ZNF445: variants seen among roughly 807,000 people sequenced by gnomAD.
The protein encoded by ZNF445 is zinc finger protein 445.
In ZNF445, 19 loss-of-function variants were observed where a neutral mutation model predicts 93.9. The ratio of observed to expected loss-of-function variants is 0.20; its 90% CI spans 0.14 to 0.30. The LOEUF (loss-of-function observed/expected upper bound fraction) is 0.30, where lower values mean the gene tolerates loss of function less well. ZNF445 is among the 10% of genes least tolerant of loss of function. ZNF445 has a pLI of 1.00. For synonymous variants in ZNF445, 449 were observed against 446.3 expected (o/e 1.01, Z -0.08); for missense variants, 1,058 against 1,259.4 (o/e 0.84, Z 2.42).
In ZNF445 at chr3:44,436,922, G is replaced by A. The variant is rs1697692411; in HGVS notation, c.*9653C>T. ...TCCTGCACCCTTGTTACCGCAAAAG[G>A]TTCCCAATCCAGACCCCAAGAGAGG... On this transcript the variant is annotated 3_prime_UTR_variant, in exon 8 of 8. Transcript: ENST00000396077. The A allele has an allele frequency of 6.6e-6, 1 of 152,162 alleles. No homozygotes were observed. 9.4% of individuals were successfully genotyped at this position (152,162 alleles called of 1,614,324 possible). A position where few individuals can be genotyped will look rare whatever the true frequency, so the allele number is the denominator to read the frequency against.
At position 44,447,639 on chromosome 3, in the gene ZNF445, C is replaced by G. The variant is rs1485119661; in HGVS notation, c.2032G>C (p.Glu678Gln). ...CSQPQGAPAV[E>Q]KTFLCQQCGK... Reference sequence around the variant, plus strand: ...CACTGCTGACACAGAAATGTTTTCTCCACAGCGGGAGCACCCTGGGGCTGA... The same window carrying G: ...CACTGCTGACACAGAAATGTTTTCTGCACAGCGGGAGCACCCTGGGGCTGA... The change falls in exon 8 of 8, where the codon GAG (glutamate) becomes CAG (glutamine). Residue 678 changes from glutamate (E) to glutamine (Q), a missense_variant. Physicochemically the swap from Glu to Gln is conservative, Grantham distance 29 (BLOSUM62 2). Coordinates refer to ENST00000396077, the MANE Select transcript of ZNF445 (RefSeq NM_181489.6). This position sits in a 1 kb window ranked among gnomAD's most constrained non-coding sequence, Gnocchi z 4.7. The G allele has an allele frequency of 6.2e-7, 1 of 1,614,076 alleles. No individual in the cohort carries two copies. Among genetic ancestry groups the G allele is most frequent in the Admixed American group, 1.7e-5 (1 of 60,010 alleles).
rs1181104092 is a variant in ZNF445 at position 44,455,579 on chromosome 3, T to G, written c.-30A>C. 2 of 1,531,486 alleles carry G rather than the reference T, an allele frequency of 1.3e-6. No homozygotes were observed. Among genetic ancestry groups the G allele is most frequent in the African/African-American group, 2.8e-5 (2 of 72,150 alleles). The allele number at this position is 1,531,486 out of a possible 1,614,324, so 94.9% of individuals were successfully genotyped here. On this transcript the variant is annotated 5_prime_UTR_variant, in exon 3 of 8. Coordinates refer to ENST00000396077, the MANE Select transcript of ZNF445 (RefSeq NM_181489.6). ...CCTGTTCAGGGACTAACCAGAAGAG[T>G]GCGAACCAAGTCCACCTTAGACGTG...
In ZNF445 at chr3:44,463,190, C is replaced by A. The variant is rs113818787; in HGVS notation, c.-268-4826G>T. 4.6e-3 allele frequency among the ~76,000 whole-genome samples: 694 copies of A among 152,260 alleles called. 3 individuals carry two copies. Among genetic ancestry groups the A allele is most frequent in the Middle Eastern group, 0.014 (4 of 294 alleles). On this transcript the variant is annotated intron_variant, in intron 1 of 7. Coordinates refer to ENST00000396077, the MANE Select transcript of ZNF445 (RefSeq NM_181489.6). ...TAGCTGGAATTACAGGCATCTGCCA[C>A]CACACCCAGCTAATTTTTGTATTTT...
chr3:44,460,493 G>C (rs1698097250), intron 1 of ZNF445, among the ~76,000 whole-genome samples: 1 of 152,186 alleles, frequency 6.6e-6, no homozygotes, highest in African/African-American at 2.4e-5. Context: ...CAATGCCTGA[G>C]ATATTTTGCA....
At chr3:44,450,323 G>C (rs748805594) in intron 6 of ZNF445, 124 bp downstream of exon 6, 22 of 1,190,222 alleles carry the variant, frequency 1.8e-5, no homozygotes, top group Non-Finnish European at 2.3e-5. Context: ...TAGATTAAGT[G>C]ATCTGGTCAG....
chr3:44,463,381 T>C (rs1336921451), intron 1 of ZNF445, among the ~76,000 whole-genome samples: 1 of 151,996 alleles, frequency 6.6e-6, no homozygotes, highest in African/African-American at 2.4e-5. Flanking sequence ...TAAGATAACT[T>C]CTGGTAGCCT....
intron 1 of ZNF445, among the ~76,000 whole-genome samples, chr3:44,459,784 T>C (rs556483427): frequency 1.3e-4 from 20 of 152,310 alleles, no homozygotes; most frequent in African/African-American, 3.6e-4. Context: ...ATGAATTGCA[T>C]TGGGACAACT....
At chr3:44,464,349 T>C (rs1698162937) in intron 1 of ZNF445, among the ~76,000 whole-genome samples, 1 of 152,148 alleles carries the variant, frequency 6.6e-6, no homozygotes, top group African/African-American at 2.4e-5. Context: ...AAGCCAGTAA[T>C]CCAATAAAGA....
rs78991682 is a variant in ZNF445, at chr3:44,454,345, T to C, written c.429+776A>G. Among the ~76,000 whole-genome samples, 8 of 152,306 alleles carry C rather than the reference T, an allele frequency of 5.3e-5. No individual in the cohort carries two copies. In the East Asian group the frequency reaches 1.4e-3, roughly 26 times the overall value. ...AATGCTGTCCCAACACCCACCACTT[T>C]ACAGGGCTATGGTTAGTCTCAAGTC... On this transcript the variant is annotated intron_variant, in intron 3 of 7. Transcript: ENST00000396077.
At chr3:44,450,133 T>C (rs1697936846) in intron 6 of ZNF445, 2 of 358,362 alleles carry the variant, frequency 5.6e-6, no homozygotes, top group Non-Finnish European at 1.1e-5. Flanking sequence ...GAGATGGGGT[T>C]TCACTATGTT....
At position 44,442,294 on chromosome 3, in the gene ZNF445, C is replaced by T. The variant is rs1428966864; in HGVS notation, c.*4281G>A. On this transcript the variant is annotated 3_prime_UTR_variant, in exon 8 of 8. Coordinates refer to ENST00000396077, the MANE Select transcript of ZNF445 (RefSeq NM_181489.6). Reference sequence around the variant, plus strand: ...CAATCTTGCTACCTAAACAATACTTCAGTGAAGTCTTAAAATCATTCTCTG... The same window carrying T: ...CAATCTTGCTACCTAAACAATACTTTAGTGAAGTCTTAAAATCATTCTCTG... The T allele has an allele frequency of 6.6e-6, 1 of 152,240 alleles. No individual in the cohort carries two copies. Among genetic ancestry groups the T allele is most frequent in the Admixed American group, 6.5e-5 (1 of 15,284 alleles). 9.4% of individuals were successfully genotyped at this position (152,240 alleles called of 1,614,324 possible).
chr3:44,454,928 G>A (rs1293213230), intron 3 of ZNF445, 193 bp downstream of exon 3: 1 of 636,276 alleles, frequency 1.6e-6, no homozygotes, highest in Non-Finnish European at 2.7e-6. Flanking sequence ...CTCTGGGAAG[G>A]TAGGAAAGGA....
intron 6 of ZNF445, chr3:44,449,975 C>CT: frequency 3.3e-6 from 1 of 302,838 alleles, no homozygotes. Context: ...GGGTCTCACT[C>CT]TGTTACCCAA....
chr3:44,449,267 C>A (rs1462551626), intron 7 of ZNF445, among the ~76,000 whole-genome samples: 1 of 151,852 alleles, frequency 6.6e-6, no homozygotes, highest in African/African-American at 2.4e-5. Flanking sequence ...CTCCAGCAGG[C>A]AAGAACTATT....
chr3:44,467,376 T>C (rs1698210240), intron 1 of ZNF445, among the ~76,000 whole-genome samples: 1 of 152,224 alleles, frequency 6.6e-6, no homozygotes, highest in Non-Finnish European at 1.5e-5. Context: ...GGAGAAATCA[T>C]GCTTCCTTTA....
At chr3:44,455,772 G>A in intron 2 of ZNF445, 76 bp from the exon 3 acceptor site, 1 of 514,808 alleles carries the variant, frequency 1.9e-6, no homozygotes, top group Non-Finnish European at 3.4e-6. Flanking sequence ...GATCATCTTT[G>A]TATATATAAG....
In ZNF445 at chr3:44,443,667, A is replaced by T. The variant is rs1697840377; in HGVS notation, c.*2908T>A. The T allele has an allele frequency of 1.3e-5, 2 of 152,086 alleles. No individual in the cohort carries two copies. Among genetic ancestry groups the T allele is most frequent in the Non-Finnish European group, 2.9e-5 (2 of 68,036 alleles). 9.4% of individuals were successfully genotyped at this position (152,086 alleles called of 1,614,324 possible). A position where few individuals can be genotyped will look rare whatever the true frequency, so the allele number is the denominator to read the frequency against. On this transcript the variant is annotated 3_prime_UTR_variant, in exon 8 of 8. Coordinates refer to ENST00000396077, the MANE Select transcript of ZNF445 (RefSeq NM_181489.6). ...GCTACTGAGGAGGCTGAGGCAGGAG[A>T]ATGGTGTGAGCCCAGGAGGCAGAGC...
At chr3:44,476,265 C>A in intron 1 of ZNF445, among the ~76,000 whole-genome samples, 1 of 152,108 alleles carries the variant, frequency 6.6e-6, no homozygotes. Context: ...GAAAACCTAG[C>A]GGTGGAATAC....
At chr3:44,449,782 A>G (rs1210999531) in intron 6 of ZNF445, among the ~76,000 whole-genome samples, 159 bp from the exon 7 acceptor site, 1 of 152,232 alleles carries the variant, frequency 6.6e-6, no homozygotes, top group Admixed American at 6.5e-5. Flanking sequence ...AATAGCCCTG[A>G]GCAGAGATAA....
Sources: allele counts gnomAD v4.1 joint callset (sites outside exome capture counted in the v4.1 genomes callset), GRCh38; gene constraint gnomAD v4.1.1; non-coding constraint Gnocchi (gnomAD v3.1); transcripts MANE v1.5; gene names NCBI Gene and HGNC (gene_info 2026-07-23, HGNC 2026-07-21).